ST18: variants seen among roughly 807,000 people sequenced by gnomAD.
The protein encoded by ST18 is suppression of tumorigenicity 18 protein.
A neutral mutation model predicts 110.0 loss-of-function variants in ST18; 50 were observed. That is an observed-to-expected ratio of 0.45 (90% CI 0.36 to 0.58). ST18 has a LOEUF of 0.58. Among genes scored for constraint, ST18 ranks in the 20% least tolerant of loss-of-function variants. ST18 has a pLI of 0.00. For missense variants in ST18, 1,306 were observed against 1,280.1 expected, an observed-to-expected ratio of 1.02 and a Z score of -0.31; for synonymous variants, 461 against 452.4, an observed-to-expected ratio of 1.02 and a Z score of -0.24.
In ST18 at chr8:52,149,872, G is replaced by C. The variant is rs760744699; in HGVS notation, c.1912C>G (p.Pro638Ala). The part of the protein sequence containing the change: ...APLTSSNTSI[P>A]TPSSSPFKTS... ...TTGAATGGGGAAGAGGAAGGAGTTG[G>C]AATAGAAGTGTTAGAGGAAGTTAGG... Residue 638 changes from proline (P) to alanine (A), a missense_variant, in exon 16 of 26, where the codon CCA (proline) becomes GCA (alanine). Pro to Ala is a conservative substitution (Grantham distance 27). Coordinates refer to ENST00000689386, the MANE Select transcript of ST18 (RefSeq NM_001352837.2). 6.2e-7 allele frequency: 1 copy of C among 1,614,182 alleles called. No individual in the cohort carries two copies. The highest frequency in any genetic ancestry group is 8.5e-7 in the Non-Finnish European group (1 of 1,180,030).
At chr8:52,354,396 G>A (rs1225004273) in intron 2 of ST18, among the ~76,000 whole-genome samples, 2 of 152,130 alleles carry the variant, frequency 1.3e-5, no homozygotes, top group Non-Finnish European at 2.9e-5. Context: ...TTCAGAGCAT[G>A]GGCAAGACAA....
intron 2 of ST18, among the ~76,000 whole-genome samples, chr8:52,359,541 T>C (rs1266065682): frequency 6.6e-6 from 1 of 152,144 alleles, no homozygotes; most frequent in Non-Finnish European, 1.5e-5. Flanking sequence ...CTAAGCACTT[T>C]GAGTACAAAA....
rs549920031 is a variant in ST18 at position 52,326,811 on chromosome 8, G to A, written c.-465+82517C>T. ...GGAAATTTGAGGACAGTGATTTAAC[G>A]CCTGAGATGGTGACTGCCAAGAATG... On this transcript the variant is annotated intron_variant, in intron 2 of 25. Coordinates refer to ENST00000689386, the MANE Select transcript of ST18 (RefSeq NM_001352837.2). Among the ~76,000 whole-genome samples the A allele has an allele frequency of 9.9e-5, 15 of 152,256 alleles. 1 individual carries two copies. In the South Asian group the frequency reaches 1.7e-3, roughly 17 times the overall value.
intron 2 of ST18, among the ~76,000 whole-genome samples, chr8:52,240,053 C>A (rs933526722): frequency 6.6e-6 from 1 of 152,162 alleles, no homozygotes; most frequent in Non-Finnish European, 1.5e-5. Flanking sequence ...CTCGGCCTCC[C>A]AAAGTGCTAT....
intron 2 of ST18, among the ~76,000 whole-genome samples, chr8:52,276,094 A>ACGCACACACACACCACACACACACAT (rs2095237925): frequency 3.0e-5 from 3 of 100,104 alleles, no homozygotes; most frequent in Non-Finnish European, 4.3e-5. Context: ...GCCACACACC[A>ACGCACACACACACCACACACACACAT]CACACATGAA....
chr8:52,342,183 T>C (rs1815361308), intron 2 of ST18, among the ~76,000 whole-genome samples: 2 of 152,150 alleles, frequency 1.3e-5, no homozygotes, highest in Non-Finnish European at 2.9e-5. Flanking sequence ...TATACACATA[T>C]CAAAACATCA....
At chr8:52,385,756 C>T (rs1466324496) in intron 2 of ST18, among the ~76,000 whole-genome samples, 1 of 151,250 alleles carries the variant, frequency 6.6e-6, no homozygotes, top group Non-Finnish European at 1.5e-5. Context: ...TTCATGCATG[C>T]AATAAAGCCA....
intron 19 of ST18, 60 bp downstream of exon 19, chr8:52,136,530 T>C: frequency 2.6e-6 from 4 of 1,517,748 alleles, no homozygotes; most frequent in Non-Finnish European, 3.6e-6. Context: ...GAATGGGCAC[T>C]GAACGAGAGG....
At chr8:52,208,852 T>C (rs2081128772) in intron 8 of ST18, among the ~76,000 whole-genome samples, 1 of 151,988 alleles carries the variant, frequency 6.6e-6, no homozygotes, top group South Asian at 2.1e-4. Context: ...AATAGATAAA[T>C]AAAACAACTT....
At chr8:52,370,117 C>T (rs1219295388) in intron 2 of ST18, among the ~76,000 whole-genome samples, 5 of 152,140 alleles carry the variant, frequency 3.3e-5, no homozygotes, top group African/African-American at 1.2e-4. Context: ...AATAAAACCC[C>T]AACCAAAATA....
At chr8:52,363,196 G>C (rs1047223373) in intron 2 of ST18, among the ~76,000 whole-genome samples, 16 of 152,030 alleles carry the variant, frequency 1.1e-4, no homozygotes, top group Non-Finnish European at 1.6e-4. Flanking sequence ...GGGCGACAGA[G>C]CGAGACTCCA....
rs5891460 is a variant in ST18 at position 52,345,163 on chromosome 8, TA to T, written c.-465+64164del. Among the ~76,000 whole-genome samples the T allele has an allele frequency of 4.6e-3, 696 of 152,316 alleles. 4 individuals carry two copies. Among genetic ancestry groups the T allele is most frequent in the Non-Finnish European group, 8.1e-3 (548 of 68,022 alleles). ...GTTTCAAGTATTTATTATTATTTAC[TA>T]TACCCACCATGCTGTACACTAGATC... On this transcript the variant is annotated intron_variant, in intron 2 of 25. Coordinates refer to ENST00000689386, the MANE Select transcript of ST18 (RefSeq NM_001352837.2).
chr8:52,354,114 C>A (rs1821608530), intron 2 of ST18, among the ~76,000 whole-genome samples: 2 of 152,238 alleles, frequency 1.3e-5, no homozygotes, highest in Non-Finnish European at 1.5e-5. Context: ...TGTCCCCAGC[C>A]AGGACCGAGT....
At position 52,149,528 on chromosome 8, in the gene ST18, T is replaced by C. The variant is rs550884219; in HGVS notation, c.2052+204A>G. Among the ~76,000 whole-genome samples, 5 of 152,358 alleles carry C rather than the reference T, an allele frequency of 3.3e-5. No homozygotes were observed. The South Asian group carries it at 1.0e-3, about 32-fold the overall frequency. ...AATAAAATCTACTATAGTGACATTA[T>C]TTTAGGCAAGTGATAATAAAAGTTG... On this transcript the variant is annotated intron_variant, in intron 16 of 25. Transcript: ENST00000689386.
intron 22 of ST18, among the ~76,000 whole-genome samples, chr8:52,130,203 G>T (rs2049022522): frequency 6.6e-6 from 1 of 151,736 alleles, no homozygotes; most frequent in African/African-American, 2.4e-5. Context: ...TAATATTGCA[G>T]CCTATATTTT....
intron 2 of ST18, among the ~76,000 whole-genome samples, chr8:52,324,615 T>C (rs1262333491): frequency 6.6e-6 from 1 of 152,214 alleles, no homozygotes; most frequent in Non-Finnish European, 1.5e-5. Context: ...GAGTGCTTAC[T>C]CTATGCCGGG....
chr8:52,266,816 G>T (rs1476078209), intron 2 of ST18, among the ~76,000 whole-genome samples: 13 of 152,100 alleles, frequency 8.5e-5, no homozygotes, highest in Admixed American at 8.5e-4. Context: ...GTGAACCACC[G>T]CACCTGGCCT....
chr8:52,157,542 G>A (rs1486292620), intron 15 of ST18, among the ~76,000 whole-genome samples: 1 of 152,156 alleles, frequency 6.6e-6, no homozygotes, highest in Non-Finnish European at 1.5e-5. Context: ...TAAAAATAAA[G>A]TTGCATTTAA....
chr8:52,302,323 TCATGGTTTTCAATAAGTA>T (rs1233082234), intron 2 of ST18, among the ~76,000 whole-genome samples: 92 of 152,328 alleles, frequency 6.0e-4, no homozygotes, highest in African/African-American at 1.7e-3. Flanking sequence ...AGGTATAGAA[TCATGGTTTTCAATAAGTA>T]CATGGTTTTC....
Sources: gnomAD v4.1 joint callset for allele counts (sites outside exome capture counted in the v4.1 genomes callset) on GRCh38, gnomAD v4.1.1 for gene constraint, MANE v1.5 for transcripts, NCBI Gene and HGNC (gene_info 2026-07-23, HGNC 2026-07-21) for gene names.